The following TRAPPC9 variants were observed in gnomAD, a reference collection of about 807,000 sequenced individuals.
The protein encoded by TRAPPC9 is trafficking protein particle complex subunit 9.
Under a neutral mutation model 124.0 loss-of-function variants are expected in TRAPPC9, and 83 were observed. The observed-to-expected ratio is 0.67, with a 90% confidence interval of 0.56 to 0.80. The LOEUF is 0.80. Ranked by LOEUF, TRAPPC9 falls within the 30% of genes least tolerant of loss-of-function variation. The pLI, the probability that TRAPPC9 is intolerant of heterozygous loss-of-function variation, is 0.00. For missense variants in TRAPPC9, 1,302 were observed against 1,508.3 expected (o/e 0.86, Z 2.27); for synonymous variants, 638 against 617.5 (o/e 1.03, Z -0.49).
At chr8:140,275,147 C>T (rs537508189) in intron 15 of TRAPPC9, among the ~76,000 whole-genome samples, 1 of 152,162 alleles carries the variant, frequency 6.6e-6, no homozygotes, top group Admixed American at 6.5e-5. Flanking sequence ...ATACTACCCC[C>T]CCTATTTATC....
At chr8:140,304,180 C>T (rs773552160) in intron 10 of TRAPPC9, among the ~76,000 whole-genome samples, 22 of 152,100 alleles carry the variant, frequency 1.4e-4, no homozygotes, top group Middle Eastern at 3.4e-3. Context: ...TTGCAACCTC[C>T]ACCTTCTGGG....
intron 20 of TRAPPC9, among the ~76,000 whole-genome samples, chr8:139,902,863 A>T (rs559300196): frequency 1.3e-5 from 2 of 152,286 alleles, no homozygotes; most frequent in African/African-American, 4.8e-5. Flanking sequence ...GCAGTCTTGA[A>T]AATGGAGAAC....
chr8:140,433,647 G>A (rs151174012), intron 4 of TRAPPC9, among the ~76,000 whole-genome samples: 1 of 152,242 alleles, frequency 6.6e-6, no homozygotes, highest in Non-Finnish European at 1.5e-5. Flanking sequence ...ATGTCCCCTT[G>A]TAGTCAATCT....
intron 17 of TRAPPC9, among the ~76,000 whole-genome samples, chr8:140,172,111 C>A (rs2061978442): frequency 6.6e-6 from 1 of 152,110 alleles, no homozygotes; most frequent in Non-Finnish European, 1.5e-5. Context: ...TGTGGCCACA[C>A]AAAGGAAGAA....
In TRAPPC9 at chr8:139,728,469, G is replaced by C. The variant is rs1295584648; in HGVS notation, c.*2592C>G. Reference sequence around the variant, plus strand: ...TAGCCAGTAGCGTGGGGCCCTGGAAGAGGCTGGAGGATACTGCGCTGTCAC... The same window carrying C: ...TAGCCAGTAGCGTGGGGCCCTGGAACAGGCTGGAGGATACTGCGCTGTCAC... On this transcript the variant is annotated 3_prime_UTR_variant, in exon 23 of 23. Transcript: ENST00000438773. 6.6e-6 allele frequency among the ~76,000 whole-genome samples: 1 copy of C among 152,196 alleles called. No individual in the cohort carries two copies. Among genetic ancestry groups the C allele is most frequent in the Non-Finnish European group, 1.5e-5 (1 of 68,040 alleles).
intron 21 of TRAPPC9, among the ~76,000 whole-genome samples, chr8:139,849,847 C>A (rs1827333179): frequency 6.6e-6 from 1 of 152,194 alleles, no homozygotes; most frequent in Admixed American, 6.5e-5. Context: ...GCCAGCTCTG[C>A]CAGCATACCT....
intron 21 of TRAPPC9, 24 bp downstream of exon 21, chr8:139,885,855 G>T: frequency 6.5e-7 from 1 of 1,548,530 alleles, no homozygotes; most frequent in Non-Finnish European, 8.7e-7. Flanking sequence ...ACCCAGAATC[G>T]ATGGGTGGCT....
intron 21 of TRAPPC9, among the ~76,000 whole-genome samples, chr8:139,829,791 GA>G (rs1825856054): frequency 6.6e-6 from 1 of 152,216 alleles, no homozygotes; most frequent in Non-Finnish European, 1.5e-5. Context: ...TGTCTCTAGC[GA>G]TGCTACACAC....
At chr8:139,943,530 A>G (rs555545639) in intron 19 of TRAPPC9, among the ~76,000 whole-genome samples, 50 of 152,370 alleles carry the variant, frequency 3.3e-4, no homozygotes, top group African/African-American at 1.2e-3. Context: ...AGAAGAACCA[A>G]GAAACTGACC....
intron 21 of TRAPPC9, among the ~76,000 whole-genome samples, chr8:139,842,577 T>C (rs1238847137): frequency 6.8e-6 from 1 of 146,958 alleles, no homozygotes; most frequent in Non-Finnish European, 1.5e-5. Flanking sequence ...TGAATCAACA[T>C]CCGCTCTCGC....
rs773670557 is a variant in TRAPPC9, at chr8:139,732,179, A to T, written c.3079T>A (p.Cys1027Ser). The T allele has an allele frequency of 1.9e-6, 3 of 1,595,788 alleles. No homozygotes were observed. The highest frequency in any genetic ancestry group is 2.6e-6 in the Non-Finnish European group (3 of 1,175,950). The change falls in exon 22 of 23, where the codon TGT (cysteine) becomes AGT (serine). Residue 1027 changes from cysteine to serine, a missense_variant. Cys to Ser is a moderately radical substitution (Grantham distance 112). This residue lies in a region of TRAPPC9 where 640 missense variants were observed against 679.3 expected (regional missense o/e 0.94). Coordinates refer to ENST00000438773, the MANE Select transcript of TRAPPC9 (RefSeq NM_001160372.4). Reference protein sequence around the residue: ...QWDVLVDGQPCDREAVAACQV... With the variant: ...QWDVLVDGQPSDREAVAACQV... ...CAGGCCGCCACAGCCTCGCGGTCAC[A>T]TGGCTGTCCGTCCACCAGCACATCT...
rs149410684 is a variant in TRAPPC9 at position 139,944,070 on chromosome 8, A to G, written c.2811-33770T>C. 1.4e-3 allele frequency among the ~76,000 whole-genome samples: 218 copies of G among 152,334 alleles called. 1 individual carries two copies. The highest frequency in any genetic ancestry group is 5.0e-3 in the African/African-American group (208 of 41,584). On this transcript the variant is annotated intron_variant, in intron 19 of 22. Transcript: ENST00000438773. ...GTATAATCTTAAGAACTTTGGCAAA[A>G]CCCAAGCAGAATAAGGGAAAGGAAC... is the stretch of plus-strand genomic sequence containing the variant.
At chr8:140,033,689 T>TTTG (rs1840693189) in intron 17 of TRAPPC9, among the ~76,000 whole-genome samples, 4 of 111,428 alleles carry the variant, frequency 3.6e-5, no homozygotes, top group Admixed American at 1.7e-4. Context: ...TTTTTTTTTT[T>TTTG]TTTTTTTTTT....
chr8:139,957,028 G>C (rs1835033183), intron 19 of TRAPPC9, among the ~76,000 whole-genome samples: 1 of 152,262 alleles, frequency 6.6e-6, no homozygotes, highest in African/African-American at 2.4e-5. Flanking sequence ...CTCAGAGACA[G>C]CAAAATCGCA....
chr8:140,126,924 G>A (rs2061109707), intron 17 of TRAPPC9, among the ~76,000 whole-genome samples: 1 of 152,182 alleles, frequency 6.6e-6, no homozygotes, highest in Non-Finnish European at 1.5e-5. Context: ...TGACAGCCAT[G>A]AGCTCTCATC....
intron 7 of TRAPPC9, among the ~76,000 whole-genome samples, chr8:140,378,374 G>A (rs2068507730): frequency 6.6e-6 from 1 of 152,038 alleles, no homozygotes; most frequent in Admixed American, 6.6e-5. Context: ...ATATAAGCAG[G>A]CAGAAAATAT....
intron 18 of TRAPPC9, among the ~76,000 whole-genome samples, chr8:140,007,976 A>G (rs1298320279): frequency 6.6e-6 from 1 of 152,220 alleles, no homozygotes; most frequent in Non-Finnish European, 1.5e-5. Context: ...CAAGTGGATG[A>G]CACATGGAAC....
At chr8:140,368,675 A>G (rs2068192561) in intron 8 of TRAPPC9, among the ~76,000 whole-genome samples, 1 of 151,978 alleles carries the variant, frequency 6.6e-6, no homozygotes, top group Non-Finnish European at 1.5e-5. Flanking sequence ...CCCTGAAGAG[A>G]AATAAGAGGC....
At chr8:139,894,393 G>A (rs1424398818) in intron 20 of TRAPPC9, among the ~76,000 whole-genome samples, 1 of 152,110 alleles carries the variant, frequency 6.6e-6, no homozygotes, top group Non-Finnish European at 1.5e-5. Flanking sequence ...TTTCCAGGAG[G>A]GGTCAGCTCT....
Sources: gnomAD v4.1 joint callset for allele counts (sites outside exome capture counted in the v4.1 genomes callset) on GRCh38, gnomAD v4.1.1 for gene constraint, gnomAD v4.1.1 regional missense constraint, MANE v1.5 for transcripts, NCBI Gene and HGNC (gene_info 2026-07-23, HGNC 2026-07-21) for gene names.